Variants in VSTM4 observed in about 807,000 individuals in gnomAD.
The protein encoded by VSTM4 is V-set and transmembrane domain-containing protein 4.
VSTM4 carries 20 observed loss-of-function variants against 36.4 expected under a neutral mutation model. That is an observed-to-expected ratio of 0.55 (90% CI 0.39 to 0.80). VSTM4 has a LOEUF of 0.80. Ranked by LOEUF, VSTM4 falls within the 30% of genes least tolerant of loss-of-function variation. The probability of loss-of-function intolerance (pLI) is 0.00; values close to 1 mark genes in which losing one functional copy is unlikely to be tolerated. For missense variants in VSTM4, 392 were observed against 404.5 expected (o/e 0.97, Z 0.26); for synonymous variants, 182 against 173.9 (o/e 1.05, Z -0.37).
intron 7 of VSTM4, among the ~76,000 whole-genome samples, chr10:49,045,148 G>A (rs971294672): frequency 1.3e-5 from 2 of 151,840 alleles, no homozygotes; most frequent in Admixed American, 6.6e-5. Flanking sequence ...CTTGCACTCC[G>A]CCCTCAAGAT....
Position 49,105,212 on chromosome 10 carries a change from A to G in VSTM4, c.457+2382T>C, listed in dbSNP as rs201202553. ...GAGAGAGAGAGGGAGAGACAGAGAG[A>G]CAGAGAGAGAGAGAGAGAGAGAGAC... is the stretch of plus-strand genomic sequence containing the variant. On this transcript the variant is annotated intron_variant, in intron 2 of 7. Transcript: ENST00000332853. 1.9e-4 allele frequency among the ~76,000 whole-genome samples: 22 copies of G among 115,214 alleles called. No homozygotes were observed. The East Asian group carries it at 4.7e-3, about 24-fold the overall frequency. The allele number at this position is 115,214 out of a possible 152,430, so 75.6% of individuals were successfully genotyped here.
chr10:49,072,232 T>C (rs1010758036), intron 4 of VSTM4, among the ~76,000 whole-genome samples: 1 of 152,156 alleles, frequency 6.6e-6, no homozygotes, highest in South Asian at 2.1e-4. Flanking sequence ...CTGTGCCTGC[T>C]GTAGAGCTGG....
At chr10:49,090,330 G>A (rs1844449798) in intron 2 of VSTM4, among the ~76,000 whole-genome samples, 1 of 152,166 alleles carries the variant, frequency 6.6e-6, no homozygotes, top group South Asian at 2.1e-4. Context: ...ACAGCCTCTT[G>A]TACCAATTTG....
chr10:49,096,591 TGTAGGATTGGGTTGAAAA>T (rs1371908529), intron 2 of VSTM4, among the ~76,000 whole-genome samples: 2 of 150,748 alleles, frequency 1.3e-5, no homozygotes, highest in Non-Finnish European at 2.9e-5. Context: ...ATCTGTGGGT[TGTAGGATTGGGTTGAAAA>T]GCCATTGAAG....
At chr10:49,075,608 G>GCAGCTTC (rs1021173916) in intron 4 of VSTM4, among the ~76,000 whole-genome samples, 2 of 152,264 alleles carry the variant, frequency 1.3e-5, no homozygotes, top group Admixed American at 1.3e-4. Context: ...GGTGGGTATT[G>GCAGCTTC]CAGGGGAAGG....
At chr10:49,090,599 C>G (rs1379510032) in intron 2 of VSTM4, among the ~76,000 whole-genome samples, 1 of 152,188 alleles carries the variant, frequency 6.6e-6, no homozygotes, top group Non-Finnish European at 1.5e-5. Flanking sequence ...TGCTGCCCCT[C>G]TCTGCCCTCT....
intron 4 of VSTM4, among the ~76,000 whole-genome samples, chr10:49,075,771 T>C (rs531868713): frequency 6.6e-6 from 1 of 152,342 alleles, no homozygotes; most frequent in East Asian, 1.9e-4. Context: ...TGGATCCCCG[T>C]CCACCTTTGT....
At chr10:49,077,846 T>C (rs1844207904) in intron 3 of VSTM4, among the ~76,000 whole-genome samples, 1 of 152,192 alleles carries the variant, frequency 6.6e-6, no homozygotes, top group Non-Finnish European at 1.5e-5. Context: ...ACTGATGTTC[T>C]GTAAACAAAC....
At chr10:49,106,730 C>G (rs1161924814) in intron 2 of VSTM4, among the ~76,000 whole-genome samples, 1 of 152,226 alleles carries the variant, frequency 6.6e-6, no homozygotes, top group African/African-American at 2.4e-5. Flanking sequence ...CTGCACAGAC[C>G]TGGGTGGGAG....
intron 2 of VSTM4, among the ~76,000 whole-genome samples, chr10:49,096,994 C>G (rs1006774839): frequency 5.9e-5 from 9 of 151,960 alleles, no homozygotes; most frequent in African/African-American, 2.2e-4. Flanking sequence ...AAAGCTGTGG[C>G]CTCCCTAAGA....
At chr10:49,037,228 C>T (rs1227256344) in intron 7 of VSTM4, among the ~76,000 whole-genome samples, 2 of 152,222 alleles carry the variant, frequency 1.3e-5, no homozygotes, top group Non-Finnish European at 2.9e-5. Context: ...TGGGTGGCAG[C>T]GGCTCTGGAT....
At chr10:49,098,834 C>T (rs1844618766) in intron 2 of VSTM4, among the ~76,000 whole-genome samples, 1 of 152,170 alleles carries the variant, frequency 6.6e-6, no homozygotes, top group Admixed American at 6.5e-5. Flanking sequence ...GCAGATCCAC[C>T]CATGTGTTTC....
chr10:49,076,593 C>T (rs941304701), intron 4 of VSTM4, among the ~76,000 whole-genome samples: 6 of 152,034 alleles, frequency 3.9e-5, no homozygotes, highest in Non-Finnish European at 8.8e-5. Flanking sequence ...AATCGGGGCT[C>T]GGGGAGAAGC....
chr10:49,076,651 T>C lies in VSTM4; in HGVS notation c.634+568A>G, dbSNP rs74820653. On this transcript the variant is annotated intron_variant, in intron 4 of 7. Coordinates refer to ENST00000332853, the MANE Select transcript of VSTM4 (RefSeq NM_001031746.5). ...AGTGTTCATAGAGATATGAGAGTCA[T>C]GAGAACTACACTTTCCTGAGAGGAA... Among the ~76,000 whole-genome samples the C allele has an allele frequency of 8.8e-3, 1,336 of 151,962 alleles. 37 individuals carry two copies. Among genetic ancestry groups the C allele is most frequent in the South Asian group, 0.05 (240 of 4,796 alleles).
intron 2 of VSTM4, chr10:49,104,004 C>T (rs958160832): frequency 1.7e-5 from 12 of 698,134 alleles, no homozygotes; most frequent in African/African-American, 9.0e-5. Context: ...CCTTGTTGTT[C>T]TGTGTTTTTG....
At chr10:49,051,761 T>C (rs1843702280) in intron 5 of VSTM4, among the ~76,000 whole-genome samples, 1 of 152,254 alleles carries the variant, frequency 6.6e-6, no homozygotes, top group African/African-American at 2.4e-5. Context: ...AGTTTATGCA[T>C]TCACCTGCTG....
At chr10:49,035,163 C>A (rs931507964) in intron 7 of VSTM4, among the ~76,000 whole-genome samples, 2 of 152,138 alleles carry the variant, frequency 1.3e-5, no homozygotes, top group African/African-American at 4.8e-5. Flanking sequence ...GATGTGCAGG[C>A]CTGCCTCCTG....
chr10:49,076,055 G>A (rs989502098), intron 4 of VSTM4, among the ~76,000 whole-genome samples: 6 of 152,146 alleles, frequency 3.9e-5, no homozygotes. Context: ...GGTCTAGGAT[G>A]GAAACAGCAT....
chr10:49,097,454 A>G (rs1170083602), intron 2 of VSTM4, among the ~76,000 whole-genome samples: 1 of 152,154 alleles, frequency 6.6e-6, no homozygotes, highest in East Asian at 1.9e-4. Context: ...GGAAGGTAAA[A>G]AAAAAGGACA....
Sources: allele counts gnomAD v4.1 joint callset (sites outside exome capture counted in the v4.1 genomes callset), GRCh38; gene constraint gnomAD v4.1.1; transcripts MANE v1.5; gene names NCBI Gene and HGNC (gene_info 2026-07-23, HGNC 2026-07-21).